SLC36A1: variants seen among roughly 807,000 people sequenced by gnomAD.
SLC36A1 encodes solute carrier family 36 member 1.
In SLC36A1, 30 loss-of-function variants were observed where a neutral mutation model predicts 47.5. The observed-to-expected ratio is 0.63, with a 90% CI of 0.47 to 0.86. The LOEUF (loss-of-function observed/expected upper bound fraction) is 0.86. Among genes scored for constraint, SLC36A1 ranks in the 40% least tolerant of loss-of-function variants. The pLI, the probability that SLC36A1 is intolerant of heterozygous loss-of-function variation, is 0.00. For missense variants in SLC36A1, 517 were observed against 606.0 expected (o/e 0.85, Z 1.54); for synonymous variants, 255 against 249.7 (o/e 1.02, Z -0.20).
chr5:151,461,520 A>T (rs186561363), intron 2 of SLC36A1, among the ~76,000 whole-genome samples: 8 of 152,314 alleles, frequency 5.3e-5, no homozygotes, highest in African/African-American at 1.9e-4. Flanking sequence ...GTCATTTGCA[A>T]AATGTGGTCT....
intron 10 of SLC36A1, among the ~76,000 whole-genome samples, chr5:151,480,483 G>T (rs1431123991): frequency 6.6e-6 from 1 of 152,170 alleles, no homozygotes; most frequent in East Asian, 1.9e-4. Context: ...TCTAGCATTT[G>T]CTCTTAGTCA....
the SLC36A1 span, among the ~76,000 whole-genome samples, chr5:151,370,875 C>T: frequency 6.6e-6 from 1 of 152,134 alleles, no homozygotes; most frequent in Non-Finnish European, 1.5e-5. Context: ...CGCCTGTAAT[C>T]CCAACTACTT....
upstream of SLC36A1, among the ~76,000 whole-genome samples, chr5:151,445,892 G>C (rs556652155): frequency 6.6e-6 from 1 of 150,954 alleles, no homozygotes; most frequent in Non-Finnish European, 1.5e-5. Context: ...ACTAGCAAAG[G>C]GTACGTCAAT....
chr5:151,519,988 T>G, the SLC36A1 span, among the ~76,000 whole-genome samples: 1 of 152,250 alleles, frequency 6.6e-6, no homozygotes, highest in African/African-American at 2.4e-5. Context: ...CCCTGCTGTC[T>G]GATGCCAGGT....
the SLC36A1 span, among the ~76,000 whole-genome samples, chr5:151,431,017 A>C: frequency 0.015 from 2,337 of 152,206 alleles, 48 homozygotes; most frequent in African/African-American, 0.053. Context: ...TGTTGTGTTC[A>C]TTGCTTTAGT....
chr5:151,364,209 C>T, the SLC36A1 span, among the ~76,000 whole-genome samples: 1 of 152,044 alleles, frequency 6.6e-6, no homozygotes, highest in Non-Finnish European at 1.5e-5. Flanking sequence ...GCACTCATGA[C>T]CTACCTAGCT....
chr5:151,435,986 A>G (rs913547040), upstream of SLC36A1, among the ~76,000 whole-genome samples: 5 of 152,118 alleles, frequency 3.3e-5, no homozygotes, highest in Non-Finnish European at 7.4e-5. Flanking sequence ...CCAATATATT[A>G]ATATTAATAT....
chr5:151,469,804 T>G (rs1581159964), intron 7 of SLC36A1, among the ~76,000 whole-genome samples: 1 of 151,200 alleles, frequency 6.6e-6, no homozygotes, highest in Admixed American at 6.6e-5. Context: ...AGTATTTATA[T>G]ATAGTATAAT....
the SLC36A1 span, chr5:151,521,246 G>T: frequency 6.4e-7 from 1 of 1,565,818 alleles, no homozygotes; most frequent in Non-Finnish European, 8.7e-7. Context: ...CAGCAGTGCT[G>T]CTCGTCCCTA....
the SLC36A1 span, among the ~76,000 whole-genome samples, chr5:151,413,140 A>G: frequency 6.6e-6 from 1 of 151,900 alleles, no homozygotes; most frequent in South Asian, 2.1e-4. Flanking sequence ...AAGGATAGAT[A>G]TTCAATATGT....
At chr5:151,553,322 G>C in the SLC36A1 span, 3 of 1,614,154 alleles carry the variant, frequency 1.9e-6, no homozygotes, top group South Asian at 1.1e-5. Flanking sequence ...GGGGCCAAGG[G>C]ATCCACTCAA....
chr5:151,392,523 T>G, the SLC36A1 span, among the ~76,000 whole-genome samples: 1 of 152,254 alleles, frequency 6.6e-6, no homozygotes, highest in South Asian at 2.1e-4. Context: ...TTTCCTGCTT[T>G]CTTTTGTGGG....
chr5:151,467,122 C>CA (rs1413623059), intron 5 of SLC36A1, 77 bp from the exon 6 acceptor site: 1 of 1,197,118 alleles, frequency 8.4e-7, no homozygotes, highest in African/African-American at 1.5e-5. Context: ...AAAACAAAAA[C>CA]AAAAAACACC....
chr5:151,487,944 T>C (rs1354491758), intron 10 of SLC36A1, 39 bp from the exon 11 acceptor site: 1 of 1,609,904 alleles, frequency 6.2e-7, no homozygotes, highest in Admixed American at 1.7e-5. Flanking sequence ...CTTTCCCAGC[T>C]CTGGGCATCT....
chr5:151,379,317 T>G, the SLC36A1 span, among the ~76,000 whole-genome samples: 1 of 152,170 alleles, frequency 6.6e-6, no homozygotes, highest in African/African-American at 2.4e-5. Context: ...TAATTGAAAT[T>G]TATAGGTTTT....
At chr5:151,420,578 A>C in the SLC36A1 span, among the ~76,000 whole-genome samples, 1 of 152,214 alleles carries the variant, frequency 6.6e-6, no homozygotes, top group African/African-American at 2.4e-5. Context: ...CTAAGAGTGC[A>C]TCAGAATTTC....
At chr5:151,544,523 G>A in the SLC36A1 span, 135 of 1,614,016 alleles carry the variant, frequency 8.4e-5, 1 homozygote, top group South Asian at 1.1e-3. Flanking sequence ...TAGATGAGCC[G>A]GAGTCCCTCT....
At chr5:151,452,785 G>T (rs1463547082) in intron 1 of SLC36A1, among the ~76,000 whole-genome samples, 1 of 151,236 alleles carries the variant, frequency 6.6e-6, no homozygotes, top group Non-Finnish European at 1.5e-5. Context: ...CAGGAGAATC[G>T]CTTGAACCCA....
At chr5:151,496,609 G>A (rs1760349827), downstream of SLC36A1, among the ~76,000 whole-genome samples, 2 of 152,152 alleles carry the variant, frequency 1.3e-5, no homozygotes, top group Admixed American at 1.3e-4. Flanking sequence ...AGGCTGGAGT[G>A]CAGTGGCACC....
Sources: gnomAD v4.1 joint callset for allele counts (sites outside exome capture counted in the v4.1 genomes callset) on GRCh38, gnomAD v4.1.1 for gene constraint, MANE v1.5 for transcripts, NCBI Gene and HGNC (gene_info 2026-07-23, HGNC 2026-07-21) for gene names.